The following GALNTL6 variants were observed in gnomAD, a reference collection of about 807,000 sequenced individuals.
GALNTL6 encodes polypeptide N-acetylgalactosaminyltransferase like 6.
GALNTL6 carries 46 observed loss-of-function variants against 73.7 expected under a neutral mutation model. The ratio of observed to expected loss-of-function variants is 0.62; its 90% confidence interval spans 0.49 to 0.80. The LOEUF is 0.80. Among genes scored for constraint, GALNTL6 ranks in the 30% least tolerant of loss-of-function variants. The probability of loss-of-function intolerance (pLI) is 0.00; values close to 1 mark genes in which losing one functional copy is unlikely to be tolerated. For synonymous variants in GALNTL6, 259 were observed against 263.7 expected (o/e 0.98, Z 0.17); for missense variants, 604 against 755.0 (o/e 0.80, Z 2.34).
intron 2 of GALNTL6, among the ~76,000 whole-genome samples, chr4:172,044,501 A>G (rs563175688): frequency 6.6e-6 from 1 of 151,998 alleles, no homozygotes; most frequent in South Asian, 2.1e-4. Flanking sequence ...TGCCTTTCAC[A>G]TAGAGAAAAA....
chr4:172,923,977 CAG>C (rs1439027744), intron 8 of GALNTL6, among the ~76,000 whole-genome samples: 1 of 151,980 alleles, frequency 6.6e-6, no homozygotes, highest in Non-Finnish European at 1.5e-5. Context: ...TTTGTGGGGA[CAG>C]AGCAGAACCA....
intron 7 of GALNTL6, among the ~76,000 whole-genome samples, chr4:172,851,923 C>A (rs1392942210): frequency 6.6e-6 from 1 of 152,124 alleles, no homozygotes; most frequent in Non-Finnish European, 1.5e-5. Flanking sequence ...ACCAGGACAG[C>A]AGCCAGCTGG....
intron 10 of GALNTL6, among the ~76,000 whole-genome samples, chr4:172,957,362 G>A (rs1189232014): frequency 1.3e-5 from 2 of 152,204 alleles, no homozygotes; most frequent in South Asian, 2.1e-4. Context: ...TGGCTGGAAG[G>A]AGATATTTTC....
chr4:171,896,730 T>C (rs1736929490), intron 2 of GALNTL6, among the ~76,000 whole-genome samples: 1 of 152,150 alleles, frequency 6.6e-6, no homozygotes, highest in South Asian at 2.1e-4. Flanking sequence ...CCTAATACCA[T>C]GACCTGGGGA....
chr4:172,107,120 G>A (rs542851242), intron 2 of GALNTL6, among the ~76,000 whole-genome samples: 7 of 152,196 alleles, frequency 4.6e-5, no homozygotes, highest in South Asian at 2.1e-4. Flanking sequence ...TGATCTGCCC[G>A]CCTCGGCCTC....
At chr4:171,987,772 A>C (rs1367451025) in intron 2 of GALNTL6, among the ~76,000 whole-genome samples, 1 of 152,140 alleles carries the variant, frequency 6.6e-6, no homozygotes, top group Admixed American at 6.6e-5. Flanking sequence ...GGCCTGGTGG[A>C]ACCACCATCA....
At chr4:172,642,765 G>A (rs1740050235) in intron 5 of GALNTL6, among the ~76,000 whole-genome samples, 2 of 151,758 alleles carry the variant, frequency 1.3e-5, no homozygotes, top group Non-Finnish European at 1.5e-5. Flanking sequence ...ATGTTAATTA[G>A]CTAGTTTTAC....
At chr4:173,038,064 G>T (rs1455534625) in intron 12 of GALNTL6, among the ~76,000 whole-genome samples, 1 of 152,140 alleles carries the variant, frequency 6.6e-6, no homozygotes, top group Non-Finnish European at 1.5e-5. Context: ...ATTGATAAAG[G>T]TAACAACAGG....
chr4:172,675,458 G>A (rs1236304664), intron 5 of GALNTL6, among the ~76,000 whole-genome samples: 1 of 152,224 alleles, frequency 6.6e-6, no homozygotes, highest in Non-Finnish European at 1.5e-5. Context: ...GGGGGCAGGG[G>A]ACTCCTGTTG....
intron 2 of GALNTL6, among the ~76,000 whole-genome samples, chr4:172,116,717 AT>A (rs1438918901): frequency 6.6e-6 from 1 of 152,214 alleles, no homozygotes; most frequent in Non-Finnish European, 1.5e-5. Context: ...TTACAATGCT[AT>A]TTCAAAGCAC....
chr4:172,388,497 T>C (rs1050167278), intron 5 of GALNTL6, among the ~76,000 whole-genome samples: 1 of 152,098 alleles, frequency 6.6e-6, no homozygotes, highest in Admixed American at 6.6e-5. Context: ...TTTAGAAAAT[T>C]AGAGTAACCT....
chr4:172,999,809 A>C (rs1276667286), intron 10 of GALNTL6, among the ~76,000 whole-genome samples: 2 of 151,744 alleles, frequency 1.3e-5, no homozygotes, highest in African/African-American at 4.8e-5. Context: ...ATTTGGATAC[A>C]TTCTATCATT....
At chr4:171,871,101 C>A (rs1379348162) in intron 2 of GALNTL6, among the ~76,000 whole-genome samples, 4 of 152,018 alleles carry the variant, frequency 2.6e-5, no homozygotes, top group Non-Finnish European at 4.4e-5. Flanking sequence ...AAATAGTGAA[C>A]AACTACATTA....
At chr4:172,501,389 AT>A (rs577183537) in intron 5 of GALNTL6, among the ~76,000 whole-genome samples, 183 of 152,264 alleles carry the variant, frequency 1.2e-3, no homozygotes, top group Middle Eastern at 6.8e-3. Context: ...ACATGCCAAG[AT>A]TTTTTGCTAG....
intron 4 of GALNTL6, among the ~76,000 whole-genome samples, chr4:172,337,337 T>G (rs989422697): frequency 1.8e-4 from 28 of 152,162 alleles, no homozygotes; most frequent in Non-Finnish European, 2.9e-4. Context: ...GTTAACTGGT[T>G]GCTTTGTAGT....
intron 5 of GALNTL6, among the ~76,000 whole-genome samples, chr4:172,611,919 G>A (rs1738540873): frequency 6.6e-6 from 1 of 152,116 alleles, no homozygotes. Flanking sequence ...AATGTAAAGT[G>A]CATGTATTTA....
chr4:171,954,054 A>G (rs1738971165), intron 2 of GALNTL6, among the ~76,000 whole-genome samples: 1 of 152,320 alleles, frequency 6.6e-6, no homozygotes, highest in African/African-American at 2.4e-5. Flanking sequence ...ACTCACAAAT[A>G]TAATGTGAGG....
intron 12 of GALNTL6, among the ~76,000 whole-genome samples, chr4:173,037,585 G>T (rs994103017): frequency 6.6e-6 from 1 of 152,152 alleles, no homozygotes; most frequent in Non-Finnish European, 1.5e-5. Context: ...AAAATAAAAT[G>T]TTCAGAAAGT....
chr4:172,139,644 G>T (rs80030870), intron 2 of GALNTL6, among the ~76,000 whole-genome samples: 9 of 152,138 alleles, frequency 5.9e-5, no homozygotes, highest in African/African-American at 1.9e-4. Flanking sequence ...GAGTTGGGCC[G>T]TCTGTAGTAC....
Sources: gnomAD v4.1 joint callset for allele counts (sites outside exome capture counted in the v4.1 genomes callset) on GRCh38, gnomAD v4.1.1 for gene constraint, MANE v1.5 for transcripts, NCBI Gene and HGNC (gene_info 2026-07-23, HGNC 2026-07-21) for gene names.